GALNT1: variants seen among roughly 807,000 people sequenced by gnomAD.
The protein encoded by GALNT1 is GalNAc transferase 1.
Under a neutral mutation model 65.7 loss-of-function variants are expected in GALNT1, and 17 were observed. The ratio of observed to expected loss-of-function variants is 0.26; its 90% CI spans 0.18 to 0.39. GALNT1 has a LOEUF of 0.39. Ranked by LOEUF, GALNT1 falls within the 10% of genes least tolerant of loss-of-function variation. The pLI, the probability that GALNT1 is intolerant of heterozygous loss-of-function variation, is 1.00. For synonymous variants in GALNT1, 210 were observed against 219.7 expected (o/e 0.96, Z 0.39); for missense variants, 460 against 672.8 (o/e 0.68, Z 3.50).
At chr18:35,615,015 A>G (rs2046765757) in intron 1 of GALNT1, among the ~76,000 whole-genome samples, 1 of 152,178 alleles carries the variant, frequency 6.6e-6, no homozygotes, top group Non-Finnish European at 1.5e-5. Context: ...CTATAAACGT[A>G]TCAATTAATC....
intron 1 of GALNT1, among the ~76,000 whole-genome samples, chr18:35,653,775 G>GT (rs2047340667): frequency 6.6e-6 from 1 of 152,102 alleles, no homozygotes; most frequent in South Asian, 2.1e-4. Flanking sequence ...TCTCATCATG[G>GT]TATAACATAA....
At chr18:35,586,923 A>T (rs2046384423) in intron 1 of GALNT1, among the ~76,000 whole-genome samples, 1 of 152,206 alleles carries the variant, frequency 6.6e-6, no homozygotes, top group Non-Finnish European at 1.5e-5. Flanking sequence ...TATGGAGAAG[A>T]TCGACGTCTT....
intron 1 of GALNT1, among the ~76,000 whole-genome samples, chr18:35,604,744 G>T: frequency 6.6e-6 from 1 of 151,980 alleles, no homozygotes. Context: ...ATGTTCCTTT[G>T]TCCATCTTTT....
intron 9 of GALNT1, 111 bp from the exon 10 acceptor site, chr18:35,702,786 A>C (rs747268419): frequency 2.3e-5 from 14 of 612,906 alleles, no homozygotes; most frequent in Non-Finnish European, 3.6e-5. Flanking sequence ...AGGCCATTTC[A>C]GAGTAGGGCC....
intron 3 of GALNT1, chr18:35,664,122 A>G (rs2047513264): frequency 3.2e-6 from 1 of 315,746 alleles, no homozygotes; most frequent in South Asian, 3.0e-5. Context: ...AACTTGAAAC[A>G]GTGAAATACA....
At chr18:35,644,176 G>A (rs1282599740) in intron 1 of GALNT1, among the ~76,000 whole-genome samples, 1 of 152,206 alleles carries the variant, frequency 6.6e-6, no homozygotes, top group Non-Finnish European at 1.5e-5. Flanking sequence ...ACTACAGAAA[G>A]AGAATATCCA....
At chr18:35,601,642 C>T (rs992049368) in intron 1 of GALNT1, among the ~76,000 whole-genome samples, 4 of 152,094 alleles carry the variant, frequency 2.6e-5, no homozygotes, top group African/African-American at 7.2e-5. Flanking sequence ...TACTTCATCA[C>T]GGTCAGAAAA....
In GALNT1 at chr18:35,638,572, T is replaced by C. The variant is rs560709409; in HGVS notation, c.-103-15988T>C. ...TCAGTTTCTTTACATCTCCTTGTTATCTAACCTAAGCGTTCAGGCACAGGG... is the reference window on the plus strand; with the variant it reads ...TCAGTTTCTTTACATCTCCTTGTTACCTAACCTAAGCGTTCAGGCACAGGG... On this transcript the variant is annotated intron_variant, in intron 1 of 11. Coordinates refer to ENST00000269195, the MANE Select transcript of GALNT1 (RefSeq NM_020474.4). 4.9e-4 allele frequency among the ~76,000 whole-genome samples: 75 copies of C among 152,294 alleles called. 1 individual carries two copies. Among genetic ancestry groups the C allele is most frequent in the African/African-American group, 1.7e-3 (72 of 41,548 alleles).
intron 1 of GALNT1, among the ~76,000 whole-genome samples, chr18:35,582,822 T>A (rs955183397): frequency 1.3e-5 from 2 of 152,228 alleles, no homozygotes; most frequent in Non-Finnish European, 2.9e-5. Context: ...AACCTAGACC[T>A]TGTTAGTCCA....
chr18:35,702,683 G>T (rs563253718), intron 9 of GALNT1: 3 of 344,156 alleles, frequency 8.7e-6, no homozygotes, highest in Non-Finnish European at 1.6e-5. Flanking sequence ...AAATTGTAAG[G>T]ATTTTCCCCC....
intron 3 of GALNT1, among the ~76,000 whole-genome samples, chr18:35,675,561 G>T (rs796809873): frequency 2.6e-5 from 4 of 151,974 alleles, no homozygotes; most frequent in African/African-American, 9.7e-5. Context: ...GTAAATTTGG[G>T]TTATCACTTC....
chr18:35,641,364 A>C (rs2047161140), intron 1 of GALNT1, among the ~76,000 whole-genome samples: 1 of 152,074 alleles, frequency 6.6e-6, no homozygotes, highest in Non-Finnish European at 1.5e-5. Context: ...GGATTCATTG[A>C]GCCCAGGAGG....
intron 1 of GALNT1, among the ~76,000 whole-genome samples, chr18:35,652,070 G>A (rs563128262): frequency 6.6e-6 from 1 of 150,812 alleles, no homozygotes; most frequent in Non-Finnish European, 1.5e-5. Flanking sequence ...AAAAAATCAA[G>A]TTCCTTACAT....
intron 1 of GALNT1, among the ~76,000 whole-genome samples, chr18:35,589,072 G>A (rs1185932965): frequency 6.6e-6 from 1 of 152,178 alleles, no homozygotes; most frequent in African/African-American, 2.4e-5. Context: ...GGCGGGGGAA[G>A]GTTGGTGGGG....
At chr18:35,649,200 G>T (rs1257113391) in intron 1 of GALNT1, among the ~76,000 whole-genome samples, 1 of 152,166 alleles carries the variant, frequency 6.6e-6, no homozygotes, top group Non-Finnish European at 1.5e-5. Context: ...AGTTCCAGTT[G>T]CTCCAATTCC....
chr18:35,642,812 A>G (rs1170134164), intron 1 of GALNT1, among the ~76,000 whole-genome samples: 2 of 152,122 alleles, frequency 1.3e-5, no homozygotes, highest in Non-Finnish European at 2.9e-5. Context: ...TTTCTTAAGC[A>G]GAAAAGGGGA....
At chr18:35,611,678 TG>T (rs1185906780) in intron 1 of GALNT1, among the ~76,000 whole-genome samples, 1 of 152,214 alleles carries the variant, frequency 6.6e-6, no homozygotes, top group Non-Finnish European at 1.5e-5. Context: ...GGAATTCTCA[TG>T]GTCTTGAGAG....
chr18:35,690,555 C>T (rs1289540827), intron 7 of GALNT1, among the ~76,000 whole-genome samples: 1 of 152,132 alleles, frequency 6.6e-6, no homozygotes, highest in Non-Finnish European at 1.5e-5. Context: ...GGTATAATGG[C>T]CTGCAGTTAG....
At chr18:35,693,662 G>C (rs945825142) in intron 9 of GALNT1, among the ~76,000 whole-genome samples, 3 of 152,206 alleles carry the variant, frequency 2.0e-5, no homozygotes, top group African/African-American at 7.2e-5. Flanking sequence ...AGGAAGAGCA[G>C]ATGCTCAAGG....
Sources: gnomAD v4.1 joint callset for allele counts (sites outside exome capture counted in the v4.1 genomes callset) on GRCh38, gnomAD v4.1.1 for gene constraint, MANE v1.5 for transcripts, NCBI Gene and HGNC (gene_info 2026-07-23, HGNC 2026-07-21) for gene names.